The following TAFA4 variants were observed in gnomAD, a reference collection of about 807,000 sequenced individuals.
The protein encoded by TAFA4 is chemokine-like protein TAFA-4.
TAFA4 carries 20 observed loss-of-function variants against 21.1 expected under a neutral mutation model. The observed-to-expected ratio is 0.95, with a 90% CI of 0.67 to 1.38. TAFA4 has a LOEUF of 1.38. Among genes scored for constraint, TAFA4 ranks in the 40% most tolerant of loss-of-function variants. The pLI, the probability that TAFA4 is intolerant of heterozygous loss-of-function variation, is 0.00. For synonymous variants in TAFA4, 71 were observed against 67.4 expected (o/e 1.05, Z -0.26); for missense variants, 211 against 180.9 (o/e 1.17, Z -0.95).
At chr3:68,814,092 A>C (rs1703905208) in intron 3 of TAFA4, among the ~76,000 whole-genome samples, 1 of 152,236 alleles carries the variant, frequency 6.6e-6, no homozygotes, top group Non-Finnish European at 1.5e-5. Flanking sequence ...CAGACGCAGA[A>C]AAGGCCTTTG....
intron 3 of TAFA4, among the ~76,000 whole-genome samples, chr3:68,834,102 C>T (rs1396515048): frequency 2.6e-5 from 4 of 152,200 alleles, no homozygotes; most frequent in African/African-American, 9.7e-5. Context: ...ACTTACATAA[C>T]TGGTTGATTG....
intron 3 of TAFA4, among the ~76,000 whole-genome samples, chr3:68,784,289 G>A (rs1346098774): frequency 6.6e-6 from 1 of 152,230 alleles, no homozygotes; most frequent in Non-Finnish European, 1.5e-5. Flanking sequence ...GTCCGGAATT[G>A]GTGGGTTCTT....
In TAFA4 at chr3:68,861,779, G is replaced by A. The variant is rs937049361; in HGVS notation, c.130+18951C>T. 3.9e-5 allele frequency among the ~76,000 whole-genome samples: 6 copies of A among 152,168 alleles called. No individual in the cohort carries two copies. In the East Asian group the frequency reaches 5.8e-4, roughly 15 times the overall value. ...AGCAGGGAGAAAAGGGAAGTAGAAG[G>A]CAGTGGAAAATCAAGCCTCCTGTGA... On this transcript the variant is annotated intron_variant, in intron 3 of 5. Transcript: ENST00000295569.
intron 3 of TAFA4, among the ~76,000 whole-genome samples, chr3:68,777,318 A>T (rs1004338003): frequency 6.6e-6 from 1 of 152,130 alleles, no homozygotes; most frequent in African/African-American, 2.4e-5. Flanking sequence ...AAAGTGACAT[A>T]TTTTAAGCTT....
intron 3 of TAFA4, among the ~76,000 whole-genome samples, chr3:68,777,446 T>C (rs1703068340): frequency 6.6e-6 from 1 of 152,082 alleles, no homozygotes; most frequent in African/African-American, 2.4e-5. Context: ...TGTCATTAGA[T>C]TACCTAAGGA....
At chr3:68,842,390 A>G (rs569375610) in intron 3 of TAFA4, among the ~76,000 whole-genome samples, 158 of 151,360 alleles carry the variant, frequency 1.0e-3, no homozygotes, top group Non-Finnish European at 1.9e-3. Flanking sequence ...TCTTTGATGG[A>G]GTTGTTTTAT....
chr3:68,827,290 G>A (rs1283763064), intron 3 of TAFA4, among the ~76,000 whole-genome samples: 2 of 152,026 alleles, frequency 1.3e-5, no homozygotes, highest in African/African-American at 4.8e-5. Context: ...TATTATTGAT[G>A]GACATTTGGG....
In TAFA4 at chr3:68,900,822, A is replaced by T. The variant is rs80223044; in HGVS notation, c.-122-15512T>A. On this transcript the variant is annotated intron_variant, in intron 1 of 5. Transcript: ENST00000295569. ...CTAATAAATTTGGTTTTGCAATCAC[A>T]GTTTCCACCTTGCAGTGAAATTTTT... Among the ~76,000 whole-genome samples, 510 of 152,320 alleles carry T rather than the reference A, an allele frequency of 3.3e-3. 1 individual carries two copies. Among genetic ancestry groups the T allele is most frequent in the Non-Finnish European group, 5.8e-3 (396 of 68,014 alleles).
At chr3:68,789,882 G>A (rs1223101706) in intron 3 of TAFA4, among the ~76,000 whole-genome samples, 3 of 152,250 alleles carry the variant, frequency 2.0e-5, no homozygotes, top group South Asian at 4.1e-4. Flanking sequence ...CTAAAATGAG[G>A]ATATAATTCA....
chr3:68,778,002 T>C (rs1415196576), intron 3 of TAFA4, among the ~76,000 whole-genome samples: 1 of 152,112 alleles, frequency 6.6e-6, no homozygotes, highest in Admixed American at 6.5e-5. Context: ...AGAAAGCATC[T>C]CCATTGTTAA....
chr3:68,898,440 G>T (rs1302331750), intron 1 of TAFA4, among the ~76,000 whole-genome samples: 2 of 152,142 alleles, frequency 1.3e-5, no homozygotes, highest in African/African-American at 4.8e-5. Flanking sequence ...ATCACCTGAG[G>T]TCAGGAGACC....
At chr3:68,817,408 G>C (rs1704007111) in intron 3 of TAFA4, among the ~76,000 whole-genome samples, 1 of 152,098 alleles carries the variant, frequency 6.6e-6, no homozygotes, top group East Asian at 1.9e-4. Flanking sequence ...ATCCATGAGA[G>C]CTGGAATCAA....
chr3:68,830,267 T>C (rs560624408), intron 3 of TAFA4, among the ~76,000 whole-genome samples: 1 of 152,352 alleles, frequency 6.6e-6, no homozygotes, highest in South Asian at 2.1e-4. Flanking sequence ...CTAGTTCTTT[T>C]AATTGTGATG....
intron 2 of TAFA4, among the ~76,000 whole-genome samples, chr3:68,883,876 C>G (rs979953366): frequency 6.6e-6 from 1 of 151,734 alleles, no homozygotes; most frequent in African/African-American, 2.4e-5. Context: ...AAGGCAGGAG[C>G]GAGCTATGAT....
intron 3 of TAFA4, among the ~76,000 whole-genome samples, chr3:68,816,088 T>C (rs1703968122): frequency 6.6e-6 from 1 of 152,054 alleles, no homozygotes; most frequent in African/African-American, 2.4e-5. Context: ...CACCGCATGT[T>C]CTAACTCATA....
At chr3:68,734,851 T>C (rs1028864513) in intron 5 of TAFA4, among the ~76,000 whole-genome samples, 1 of 152,144 alleles carries the variant, frequency 6.6e-6, no homozygotes, top group African/African-American at 2.4e-5. Flanking sequence ...TCTGGATCTA[T>C]CAGTCTACAT....
chr3:68,855,692 A>G (rs189624756), intron 3 of TAFA4, among the ~76,000 whole-genome samples: 42 of 152,238 alleles, frequency 2.8e-4, no homozygotes, highest in African/African-American at 8.7e-4. Context: ...ATATACGTGT[A>G]TATAAATTCA....
chr3:68,853,318 A>C (rs1261592154), intron 3 of TAFA4, among the ~76,000 whole-genome samples: 1 of 152,172 alleles, frequency 6.6e-6, no homozygotes, highest in Admixed American at 6.6e-5. Flanking sequence ...TGAATATGGG[A>C]AAGTGTGACT....
At chr3:68,872,634 G>A (rs2089496989) in intron 3 of TAFA4, among the ~76,000 whole-genome samples, 1 of 152,018 alleles carries the variant, frequency 6.6e-6, no homozygotes. Context: ...ATTACACATT[G>A]TATATATGTA....
Sources: gnomAD v4.1 joint callset for allele counts (sites outside exome capture counted in the v4.1 genomes callset) on GRCh38, gnomAD v4.1.1 for gene constraint, MANE v1.5 for transcripts, NCBI Gene and HGNC (gene_info 2026-07-23, HGNC 2026-07-21) for gene names.